Variants in TJP1 observed in about 807,000 individuals in gnomAD.
The protein encoded by TJP1 is tight junction protein 1.
A neutral mutation model predicts 194.2 loss-of-function variants in TJP1; 43 were observed. The observed-to-expected ratio is 0.22, with a 90% CI of 0.17 to 0.29. The LOEUF is 0.29. Ranked by LOEUF, TJP1 falls within the 10% of genes least tolerant of loss-of-function variation. TJP1 has a pLI of 1.00. For synonymous variants in TJP1, 801 were observed against 779.0 expected (o/e 1.03, Z -0.47); for missense variants, 1,971 against 2,185.7 (o/e 0.90, Z 1.96).
In TJP1 at chr15:29,908,919, C is replaced by T. The variant is rs1034058239; in HGVS notation, c.306+47313G>A. Among the ~76,000 whole-genome samples the T allele has an allele frequency of 2.0e-5, 3 of 152,166 alleles. 1 individual carries two copies. Among genetic ancestry groups the T allele is most frequent in the Middle Eastern group, 6.8e-3 (2 of 294 alleles). ...CCTGTAGTCCCAGCACTTTGGGAGG[C>T]CAAGGCGGGCGGATCACGAGATCAG... On this transcript the variant is annotated intron_variant, in intron 2 of 28. Transcript: ENST00000356107.
At chr15:29,776,526 T>C (rs888539302) in intron 2 of TJP1, among the ~76,000 whole-genome samples, 1 of 152,194 alleles carries the variant, frequency 6.6e-6, no homozygotes, top group Non-Finnish European at 1.5e-5. Context: ...ACTTAATAAA[T>C]GATAGTTTCC....
chr15:29,960,329 A>G (rs962002218), intron 1 of TJP1, among the ~76,000 whole-genome samples: 5 of 151,598 alleles, frequency 3.3e-5, no homozygotes, highest in Non-Finnish European at 7.4e-5. Context: ...AAACTAGAAG[A>G]ATAGATCCAC....
intron 2 of TJP1, among the ~76,000 whole-genome samples, chr15:29,845,903 CA>C (rs1665914240): frequency 6.6e-6 from 1 of 152,168 alleles, no homozygotes; most frequent in Non-Finnish European, 1.5e-5. Flanking sequence ...CACCAGTGGC[CA>C]GGGGGAGGTC....
intron 2 of TJP1, among the ~76,000 whole-genome samples, chr15:29,855,578 A>T (rs1421561237): frequency 6.6e-6 from 1 of 152,166 alleles, no homozygotes; most frequent in Non-Finnish European, 1.5e-5. Flanking sequence ...ACTTATAGCC[A>T]GGTGTGGTGG....
intron 2 of TJP1, among the ~76,000 whole-genome samples, chr15:29,942,809 C>T (rs1168654451): frequency 6.6e-6 from 1 of 152,216 alleles, no homozygotes; most frequent in Admixed American, 6.5e-5. Context: ...CTGGCAAGGG[C>T]AGGCCCGGGG....
intron 2 of TJP1, among the ~76,000 whole-genome samples, chr15:29,898,896 A>G (rs2053556852): frequency 6.6e-6 from 1 of 152,230 alleles, no homozygotes; most frequent in Non-Finnish European, 1.5e-5. Flanking sequence ...TATTAAATAT[A>G]TGGAAATACA....
At position 29,761,189 on chromosome 15, in the gene TJP1, T is replaced by C. The variant is rs758574818; in HGVS notation, c.960A>G (p.Ser320=). 1 of 1,613,956 alleles carries C rather than the reference T, an allele frequency of 6.2e-7. No homozygotes were observed. The highest frequency in any genetic ancestry group is 8.5e-7 in the Non-Finnish European group (1 of 1,179,944). The change falls in exon 8 of 28, where the codon TCA becomes TCG. Residue 320 remains serine, a synonymous_variant. Coordinates refer to ENST00000614355, the MANE Select transcript of TJP1 (RefSeq NM_001330239.4). ...RSRSRSPDQR[S]EPSDHSRHSP... is the part of the protein sequence containing the mutation. ...AGTGCCTGGAATGATCAGAAGGCTCTGACCGCTGGTCAGGAGATCGTGACC... is the reference window on the plus strand; with the variant it reads ...AGTGCCTGGAATGATCAGAAGGCTCCGACCGCTGGTCAGGAGATCGTGACC...
intron 4 of TJP1, among the ~76,000 whole-genome samples, chr15:29,771,529 G>A (rs990811774): frequency 6.6e-6 from 1 of 152,176 alleles, no homozygotes; most frequent in Non-Finnish European, 1.5e-5. Context: ...TATTTGGCCG[G>A]GCGTGGTGGC....
chr15:29,709,087 A>T (rs1309401053), intron 24 of TJP1, 51 bp from the exon 25 acceptor site: 11 of 1,528,318 alleles, frequency 7.2e-6, no homozygotes, highest in Admixed American at 1.9e-5. Context: ...AAGTTATAAT[A>T]GCCCTGTCCC....
chr15:29,744,347 A>G (rs1461450184), intron 8 of TJP1, among the ~76,000 whole-genome samples: 1 of 152,226 alleles, frequency 6.6e-6, no homozygotes, highest in African/African-American at 2.4e-5. Context: ...GTCATACACT[A>G]TAATTCCACT....
chr15:29,704,094 T>G (rs1341285297), intron 27 of TJP1, 68 bp downstream of exon 27: 23 of 1,464,320 alleles, frequency 1.6e-5, no homozygotes, highest in Non-Finnish European at 2.1e-5. Flanking sequence ...ATGGGCAGCA[T>G]CATCAGCCCA....
chr15:29,731,510 TAAATTCTGC>T (rs1051410189), intron 15 of TJP1, among the ~76,000 whole-genome samples: 1 of 152,188 alleles, frequency 6.6e-6, no homozygotes, highest in Non-Finnish European at 1.5e-5. Context: ...GATCTTCAGA[TAAATTCTGC>T]CATTTTCGTT....
chr15:29,785,597 C>T (rs1238641952), intron 2 of TJP1, among the ~76,000 whole-genome samples: 1 of 152,214 alleles, frequency 6.6e-6, no homozygotes, highest in Non-Finnish European at 1.5e-5. Context: ...CAATTACCTA[C>T]TTAAGGATTC....
chr15:29,924,127 T>C (rs1281394776), intron 2 of TJP1, among the ~76,000 whole-genome samples: 1 of 152,218 alleles, frequency 6.6e-6, no homozygotes, highest in African/African-American at 2.4e-5. Flanking sequence ...AAACTGGAGT[T>C]CAGTGGCACA....
chr15:29,903,747 G>A (rs1022830652), intron 2 of TJP1, among the ~76,000 whole-genome samples: 6 of 152,136 alleles, frequency 3.9e-5, no homozygotes, highest in African/African-American at 1.2e-4. Flanking sequence ...CCCGGCCCAA[G>A]TTGCAGAATC....
intron 2 of TJP1, among the ~76,000 whole-genome samples, chr15:29,921,671 C>T (rs578221828): frequency 6.6e-6 from 1 of 152,248 alleles, no homozygotes; most frequent in South Asian, 2.1e-4. Context: ...TCAGTTTACT[C>T]TCATTTTGAT....
chr15:29,732,122 G>C (rs1247049261), intron 15 of TJP1: 1 of 259,750 alleles, frequency 3.8e-6, no homozygotes, highest in Non-Finnish European at 7.3e-6. Flanking sequence ...CCAAGTCTCA[G>C]GCTACTCAAC....
intron 24 of TJP1, among the ~76,000 whole-genome samples, chr15:29,710,465 T>C (rs889153346): frequency 6.6e-6 from 1 of 152,202 alleles, no homozygotes; most frequent in Non-Finnish European, 1.5e-5. Flanking sequence ...GGTATGTAAA[T>C]GCAAAAGTCA....
chr15:29,822,572 GGAGGGGGCGGGAC>G, upstream of TJP1: 2 of 805,506 alleles, frequency 2.5e-6, no homozygotes, highest in Non-Finnish European at 3.0e-6. Context: ...CCGCGGCGGG[GGAGGGGGCGGGAC>G]GAGCGGCCGG....
Sources: allele counts gnomAD v4.1 joint callset (sites outside exome capture counted in the v4.1 genomes callset), GRCh38; gene constraint gnomAD v4.1.1; transcripts MANE v1.5; gene names NCBI Gene and HGNC (gene_info 2026-07-23, HGNC 2026-07-21).